The following NRXN3 variants were observed in gnomAD, a reference collection of about 807,000 sequenced individuals.
NRXN3 encodes neurexin 3, also known as neurexin III.
NRXN3 carries 32 observed loss-of-function variants against 137.6 expected under a neutral mutation model. The ratio of observed to expected loss-of-function variants is 0.23; its 90% confidence interval spans 0.18 to 0.31. NRXN3 has a LOEUF of 0.31. Ranked by LOEUF, NRXN3 falls within the 10% of genes least tolerant of loss-of-function variation. The probability of loss-of-function intolerance (pLI) is 1.00; values close to 1 mark genes in which losing one functional copy is unlikely to be tolerated. For missense variants in NRXN3, 1,574 were observed against 2,062.5 expected (o/e 0.76, Z 4.59); for synonymous variants, 798 against 784.5 (o/e 1.02, Z -0.29).
chr14:78,310,895 G>C (rs1174309972), intron 4 of NRXN3, among the ~76,000 whole-genome samples: 1 of 152,034 alleles, frequency 6.6e-6, no homozygotes, highest in Non-Finnish European at 1.5e-5. Context: ...TAATATTAAA[G>C]GCTTATGGTA....
intron 16 of NRXN3, among the ~76,000 whole-genome samples, chr14:79,523,621 C>T (rs935139837): frequency 9.9e-5 from 15 of 152,112 alleles, no homozygotes; most frequent in Non-Finnish European, 1.8e-4. Context: ...ATTTCAGGAA[C>T]TGCTTTATTT....
intron 19 of NRXN3, among the ~76,000 whole-genome samples, chr14:79,767,777 G>T (rs541305503): frequency 6.6e-6 from 1 of 152,196 alleles, no homozygotes; most frequent in Non-Finnish European, 1.5e-5. Context: ...AGCCAAGATG[G>T]CTGAACAGGA....
At chr14:79,497,705 C>G (rs1243689347) in intron 16 of NRXN3, among the ~76,000 whole-genome samples, 1 of 152,068 alleles carries the variant, frequency 6.6e-6, no homozygotes, top group African/African-American at 2.4e-5. Flanking sequence ...CTGACCACAT[C>G]TGAGTTTAAT....
chr14:78,297,497 A>G (rs1197413932), intron 3 of NRXN3, among the ~76,000 whole-genome samples: 1 of 152,226 alleles, frequency 6.6e-6, no homozygotes, highest in Non-Finnish European at 1.5e-5. Flanking sequence ...AATCTTTAAC[A>G]GATTTATCAC....
chr14:79,639,930 G>A (rs2098424388), intron 16 of NRXN3, among the ~76,000 whole-genome samples: 1 of 149,666 alleles, frequency 6.7e-6, no homozygotes, highest in Non-Finnish European at 1.5e-5. Flanking sequence ...AGGTGCTTCA[G>A]AGACTTCCCA....
intron 15 of NRXN3, among the ~76,000 whole-genome samples, chr14:79,013,833 A>G (rs887898454): frequency 2.6e-5 from 4 of 152,204 alleles, no homozygotes; most frequent in African/African-American, 9.6e-5. Context: ...TTCATTTATG[A>G]GTTTGTTCAT....
intron 4 of NRXN3, among the ~76,000 whole-genome samples, chr14:78,543,514 A>C (rs1315469327): frequency 6.6e-6 from 1 of 151,796 alleles, no homozygotes; most frequent in African/African-American, 2.4e-5. Flanking sequence ...GAGCCTTGGG[A>C]TCCAGAACTC....
intron 9 of NRXN3, among the ~76,000 whole-genome samples, chr14:78,809,315 A>T (rs550818326): frequency 1.4e-5 from 1 of 73,372 alleles, no homozygotes; most frequent in Admixed American, 1.9e-4. Flanking sequence ...TCTCCTCAAG[A>T]TGTGGAATCA....
intron 15 of NRXN3, among the ~76,000 whole-genome samples, chr14:79,203,466 C>A (rs1024773371): frequency 1.3e-5 from 2 of 152,094 alleles, no homozygotes; most frequent in Non-Finnish European, 2.9e-5. Context: ...TAAATCCCTG[C>A]GGCACACCCC....
chr14:79,089,874 A>C (rs2048839345), intron 15 of NRXN3, among the ~76,000 whole-genome samples: 1 of 152,136 alleles, frequency 6.6e-6, no homozygotes, highest in Non-Finnish European at 1.5e-5. Context: ...TCTTTCAGGA[A>C]TGCTTATTTG....
intron 20 of NRXN3, among the ~76,000 whole-genome samples, chr14:79,858,570 T>TA (rs1368958970): frequency 6.6e-6 from 1 of 152,214 alleles, no homozygotes; most frequent in East Asian, 1.9e-4. Context: ...GTCATTGCCA[T>TA]AAGGAACAAA....
Position 79,802,741 on chromosome 14 carries a change from CA to C in NRXN3, c.4015-2370del, listed in dbSNP as rs544577318. Among the ~76,000 whole-genome samples the C allele has an allele frequency of 2.6e-5, 4 of 152,190 alleles. No individual in the cohort carries two copies. The South Asian group carries it at 8.3e-4, about 32-fold the overall frequency. ...GTAGAGCTATTATAGGGCCCCCTCT[CA>C]GCAGGAAACACCAAGGGAATATGCT... On this transcript the variant is annotated intron_variant, in intron 19 of 20. Coordinates refer to ENST00000335750, the MANE Select transcript of NRXN3 (RefSeq NM_001330195.2).
chr14:78,646,091 C>T (rs1444278653), intron 5 of NRXN3, among the ~76,000 whole-genome samples: 1 of 151,996 alleles, frequency 6.6e-6, no homozygotes, highest in Non-Finnish European at 1.5e-5. Context: ...AGTGGAAGGA[C>T]CCAAATAAAA....
intron 4 of NRXN3, among the ~76,000 whole-genome samples, chr14:78,307,040 A>G (rs1203977417): frequency 2.6e-5 from 4 of 152,204 alleles, no homozygotes; most frequent in Non-Finnish European, 4.4e-5. Flanking sequence ...TCATTTAGTC[A>G]GATCACCCAC....
intron 4 of NRXN3, among the ~76,000 whole-genome samples, chr14:78,424,392 C>G (rs1400459203): frequency 6.6e-6 from 1 of 152,218 alleles, no homozygotes; most frequent in Non-Finnish European, 1.5e-5. Context: ...CTGTGCTCCT[C>G]CCTTCACCCT....
At chr14:78,458,796 T>C (rs1242950722) in intron 4 of NRXN3, among the ~76,000 whole-genome samples, 5 of 152,242 alleles carry the variant, frequency 3.3e-5, no homozygotes, top group African/African-American at 4.8e-5. Flanking sequence ...CTTCTCACCA[T>C]TGGCTATGAA....
At chr14:79,057,289 A>G (rs888230588) in intron 15 of NRXN3, among the ~76,000 whole-genome samples, 5 of 152,256 alleles carry the variant, frequency 3.3e-5, no homozygotes, top group Admixed American at 6.5e-5. Context: ...GTGGGAGTTC[A>G]TAAGGAGTGA....
intron 15 of NRXN3, among the ~76,000 whole-genome samples, chr14:79,319,406 C>T (rs2089565238): frequency 6.6e-6 from 1 of 152,194 alleles, no homozygotes; most frequent in Admixed American, 6.5e-5. Context: ...GCAGGTTTAG[C>T]TGTATCCTCA....
intron 8 of NRXN3, among the ~76,000 whole-genome samples, chr14:78,723,040 G>A (rs1035051126): frequency 5.9e-5 from 9 of 152,272 alleles, no homozygotes; most frequent in African/African-American, 2.2e-4. Context: ...GTGAGGAGGA[G>A]GGATTTGAGG....
Sources: gnomAD v4.1 joint callset for allele counts (sites outside exome capture counted in the v4.1 genomes callset) on GRCh38, gnomAD v4.1.1 for gene constraint, MANE v1.5 for transcripts, NCBI Gene and HGNC (gene_info 2026-07-23, HGNC 2026-07-21) for gene names.